The following PCDH11Y variants were observed in gnomAD, a reference collection of about 807,000 sequenced individuals.
PCDH11Y encodes protocadherin-11 Y-linked.
For synonymous variants in PCDH11Y, 9 were observed against 83.6 expected, an observed-to-expected ratio of 0.11 and a Z score of 4.87; for missense variants, 12 against 224.8, an observed-to-expected ratio of 0.05 and a Z score of 6.05.
upstream of PCDH11Y, among the ~76,000 whole-genome samples, chrY:5,055,496 T>G: frequency 3.0e-5 from 1 of 33,371 alleles, no homozygotes. Context: ...AACCTTCATT[T>G]AATTATAAAA....
intron 1 of PCDH11Y, among the ~76,000 whole-genome samples, chrY:5,071,530 C>G: frequency 6.1e-5 from 2 of 32,716 alleles, no homozygotes; most frequent in Non-Finnish European, 1.5e-4. Flanking sequence ...TTGTAGCACC[C>G]TTATTCTTGG....
intron 2 of PCDH11Y, among the ~76,000 whole-genome samples, chrY:5,161,375 T>C (rs2052874508): frequency 6.0e-5 from 2 of 33,214 alleles, no homozygotes; most frequent in South Asian, 1.3e-3. Flanking sequence ...ATTCACTATG[T>C]GTGCCTATTT....
intron 3 of PCDH11Y, among the ~76,000 whole-genome samples, chrY:5,548,636 A>G: frequency 3.1e-5 from 1 of 32,727 alleles, no homozygotes; most frequent in South Asian, 6.8e-4. Flanking sequence ...TTCTGAGGTC[A>G]AAATAAAAGA....
At chrY:5,500,550 T>C (rs1602934819) in intron 2 of PCDH11Y, among the ~76,000 whole-genome samples, 77 of 33,429 alleles carry the variant, frequency 2.3e-3, no homozygotes, top group African/African-American at 8.2e-3. Context: ...AAATTTTGTC[T>C]CTAAGATTCT....
chrY:5,736,292 A>G, intron 4 of PCDH11Y, among the ~76,000 whole-genome samples: 1 of 32,999 alleles, frequency 3.0e-5, no homozygotes, highest in African/African-American at 1.2e-4. Context: ...TCTTCTATGC[A>G]TTTACTGATT....
rs1173951758 is a variant in PCDH11Y at position 5,480,859 on chromosome Y, T to G, written c.3130-20198T>G. Among the ~76,000 whole-genome samples the G allele has an allele frequency of 1.8e-4, 6 of 33,882 alleles. No homozygotes were observed. In the East Asian group the frequency reaches 4.8e-3, roughly 27 times the overall value. The allele number at this position is 33,882 out of a possible 37,273, so 90.9% of individuals were successfully genotyped here. On this transcript the variant is annotated intron_variant, in intron 2 of 4. Transcript: ENST00000400457. ...CTCCTTAGCACTGTCAGGGGAAAAT[T>G]GCCTTATAAAGCCTCAGTAATGGCG...
chrY:5,235,925 A>G (rs2052974577), intron 2 of PCDH11Y, among the ~76,000 whole-genome samples: 1 of 33,336 alleles, frequency 3.0e-5, no homozygotes, highest in Non-Finnish European at 7.4e-5. Flanking sequence ...CACCAACATG[A>G]TATTTTTTGA....
chrY:5,238,254 T>C (rs2052980161), intron 2 of PCDH11Y, among the ~76,000 whole-genome samples: 24 of 32,574 alleles, frequency 7.4e-4, no homozygotes, highest in African/African-American at 2.9e-3. Flanking sequence ...AACAGAGCCC[T>C]CAGAAATAAT....
intron 2 of PCDH11Y, among the ~76,000 whole-genome samples, chrY:5,236,037 C>T (rs207480194): frequency 1.8e-4 from 6 of 33,689 alleles, no homozygotes; most frequent in East Asian, 1.6e-3. Context: ...TCAATTTTGA[C>T]GAGGCAAATA....
Position 5,115,986 on chromosome Y carries a change from C to A in PCDH11Y, c.3129+15279C>A, listed in dbSNP as rs1602870535. ...CGATCTCCTGACCTCGTGATCCGCC[C>A]GCCTCGGCCTCCCAAAGTGCTGGGA... On this transcript the variant is annotated intron_variant, in intron 2 of 4. Transcript: ENST00000400457. Among the ~76,000 whole-genome samples, 7 of 32,996 alleles carry A rather than the reference C, an allele frequency of 2.1e-4. No homozygotes were observed. The East Asian group carries it at 4.0e-3, about 19-fold the overall frequency. The allele number at this position is 32,996 out of a possible 37,273, so 88.5% of individuals were successfully genotyped here.
intron 2 of PCDH11Y, among the ~76,000 whole-genome samples, chrY:5,245,510 C>G (rs1602892764): frequency 3.2e-5 from 1 of 31,644 alleles, no homozygotes; most frequent in Admixed American, 2.9e-4. Context: ...CCCAACTTCC[C>G]TACAGAAGAG....
intron 2 of PCDH11Y, among the ~76,000 whole-genome samples, chrY:5,368,129 T>C (rs2053183072): frequency 3.0e-5 from 1 of 33,596 alleles, no homozygotes; most frequent in Non-Finnish European, 7.4e-5. Context: ...ACTGTGAAAC[T>C]GGACTCCAAA....
chrY:5,101,498 C>G, downstream of PCDH11Y: 22 of 44,451 alleles, frequency 4.9e-4, no homozygotes, highest in Middle Eastern at 9.6e-3. Flanking sequence ...ACAAAGAAAA[C>G]TGTGGGCATA....
chrY:5,036,579 T>C, intron 3 of PCDH11Y, among the ~76,000 whole-genome samples: 2 of 33,440 alleles, frequency 6.0e-5, no homozygotes, highest in Non-Finnish European at 1.5e-4. Context: ...ATCTTGGATT[T>C]ATTATAAAAC....
chrY:5,534,063 G>A (rs2578750), intron 3 of PCDH11Y, among the ~76,000 whole-genome samples: 24 of 32,206 alleles, frequency 7.5e-4, no homozygotes, highest in African/African-American at 2.6e-3. Flanking sequence ...TTCCTGAGAC[G>A]TCAAAGACAT....
rs2124657140 is a variant in PCDH11Y at position 5,253,567 on chromosome Y, T to A, written c.3129+152860T>A. ...ACACACTCTTGGTTTTGCCATTTTC[T>A]TGTCTTTTTGTTGGGCCAGAAGGAT... is the stretch of plus-strand genomic sequence containing the variant. On this transcript the variant is annotated intron_variant, in intron 2 of 4. Coordinates refer to the PCDH11Y transcript ENST00000400457. 3.5e-4 allele frequency among the ~76,000 whole-genome samples: 11 copies of A among 31,310 alleles called. No individual in the cohort carries two copies. In the South Asian group the frequency reaches 8.3e-3, roughly 23 times the overall value. The allele number at this position is 31,310 out of a possible 37,273, so 84.0% of individuals were successfully genotyped here. A position where few individuals can be genotyped will look rare whatever the true frequency, so the allele number is the denominator to read the frequency against.
chrY:5,403,028 G>T (rs2053235552), intron 2 of PCDH11Y, among the ~76,000 whole-genome samples: 1 of 30,954 alleles, frequency 3.2e-5, no homozygotes, highest in Non-Finnish European at 7.8e-5. Flanking sequence ...TCTTGATGTG[G>T]TTTTTTTCAA....
chrY:5,460,045 G>A, intron 2 of PCDH11Y, among the ~76,000 whole-genome samples: 1 of 33,024 alleles, frequency 3.0e-5, no homozygotes, highest in East Asian at 7.9e-4. Flanking sequence ...AACTTCTAAT[G>A]TGTGAGTAGC....
At chrY:5,387,383 T>A in intron 2 of PCDH11Y, among the ~76,000 whole-genome samples, 1 of 33,176 alleles carries the variant, frequency 3.0e-5, no homozygotes, top group African/African-American at 1.2e-4. Context: ...TACTCTTCCC[T>A]TTTTCCTAAG....
Sources: gnomAD v4.1 joint callset for allele counts (sites outside exome capture counted in the v4.1 genomes callset) on GRCh38, gnomAD v4.1.1 for gene constraint, MANE v1.5 for transcripts, NCBI Gene and HGNC (gene_info 2026-07-23, HGNC 2026-07-21) for gene names.